The following GCSAML variants were observed in gnomAD, a reference collection of about 807,000 sequenced individuals.
GCSAML encodes germinal center associated signaling and motility like.
A neutral mutation model predicts 13.0 loss-of-function variants in GCSAML; 9 were observed. That is an observed-to-expected ratio of 0.69 (90% CI 0.42 to 1.21). The LOEUF (loss-of-function observed/expected upper bound fraction) is 1.21, where lower values mean the gene tolerates loss of function less well. GCSAML is among the 50% of genes most tolerant of loss of function. The pLI is 0.00. For synonymous variants in GCSAML, 37 were observed against 52.9 expected (o/e 0.70, Z 1.31); for missense variants, 143 against 153.4 (o/e 0.93, Z 0.36).
intron 1 of GCSAML, among the ~76,000 whole-genome samples, chr1:247,508,343 G>A (rs1358235366): frequency 1.3e-5 from 2 of 151,952 alleles, no homozygotes; most frequent in African/African-American, 4.8e-5. Flanking sequence ...TATATCCTTT[G>A]CCTACTTTTT....
intron 1 of GCSAML, among the ~76,000 whole-genome samples, chr1:247,509,319 G>A (rs1210617446): frequency 6.6e-6 from 1 of 152,122 alleles, no homozygotes; most frequent in Non-Finnish European, 1.5e-5. Context: ...TCTATTATTG[G>A]TGTATAGAAA....
intron 1 of GCSAML, among the ~76,000 whole-genome samples, chr1:247,514,245 C>T (rs1457793992): frequency 6.6e-6 from 1 of 152,186 alleles, no homozygotes; most frequent in Non-Finnish European, 1.5e-5. Flanking sequence ...TCCCAAAGTG[C>T]TGGGATTACA....
intron 2 of GCSAML, among the ~76,000 whole-genome samples, chr1:247,534,617 A>C (rs1399325018): frequency 2.0e-5 from 3 of 152,162 alleles, no homozygotes; most frequent in Non-Finnish European, 2.9e-5. Context: ...CAAAACATTA[A>C]TTCTAGCCTG....
At chr1:247,547,753 G>A (rs905836094), upstream of GCSAML, among the ~76,000 whole-genome samples, 1 of 152,186 alleles carries the variant, frequency 6.6e-6, no homozygotes, top group African/African-American at 2.4e-5. Context: ...ATTGGCTGGA[G>A]TGGCATCACC....
At chr1:247,517,306 TACTAG>T (rs1259452935) in intron 1 of GCSAML, among the ~76,000 whole-genome samples, 1 of 152,222 alleles carries the variant, frequency 6.6e-6, no homozygotes, top group Non-Finnish European at 1.5e-5. Context: ...AGTAACTTAT[TACTAG>T]GTGTCTTGTC....
upstream of GCSAML, among the ~76,000 whole-genome samples, chr1:247,545,311 C>G (rs1209022099): frequency 6.6e-6 from 1 of 152,212 alleles, no homozygotes; most frequent in African/African-American, 2.4e-5. Context: ...TGGGCAACTC[C>G]TGTTGTAGAT....
intron 1 of GCSAML, among the ~76,000 whole-genome samples, chr1:247,520,335 C>G (rs1260909517): frequency 2.0e-5 from 3 of 152,088 alleles, no homozygotes; most frequent in African/African-American, 7.2e-5. Flanking sequence ...TGGGCCTGAT[C>G]CAATTCAGTT....
chr1:247,510,091 T>C (rs1451363000), intron 1 of GCSAML, among the ~76,000 whole-genome samples: 2 of 152,248 alleles, frequency 1.3e-5, no homozygotes, highest in African/African-American at 4.8e-5. Context: ...CAGCTCCTCC[T>C]TGTACCTCTG....
chr1:247,546,240 A>G (rs1388869251), upstream of GCSAML, among the ~76,000 whole-genome samples: 1 of 152,136 alleles, frequency 6.6e-6, no homozygotes, highest in Non-Finnish European at 1.5e-5. Context: ...GGGCATGATC[A>G]TTGCACACTA....
chr1:247,536,492 GTGTTTCCAGAATGAGAAAGTATATGCAGA>G (rs1161853857), intron 2 of GCSAML: 1 of 152,180 alleles, frequency 6.6e-6, no homozygotes, highest in Admixed American at 6.5e-5. Context: ...ATGGCTCATG[GTGTTTCCAGAATGAGAAAGTATATGCAGA>G]CCCTAAAGGG....
At chr1:247,525,879 A>G (rs1289218875) in intron 1 of GCSAML, 2 of 152,234 alleles carry the variant, frequency 1.3e-5, no homozygotes, top group South Asian at 2.1e-4. Flanking sequence ...ACTCATTAAC[A>G]TACAAGTACC....
At position 247,550,130 on chromosome 1, in the gene GCSAML, G is replaced by A. The variant is rs1203542033; in HGVS notation, c.29+910G>A. On this transcript the variant is annotated intron_variant, in intron 1 of 4. Transcript: ENST00000366488. Reference sequence around the variant, plus strand: ...ATTCTTCTTGACCTCTCTGTGCAGCGTTCCTTACTTACGGGTATGGGGCAG... The same window carrying A: ...ATTCTTCTTGACCTCTCTGTGCAGCATTCCTTACTTACGGGTATGGGGCAG... 3.9e-5 allele frequency among the ~76,000 whole-genome samples: 6 copies of A among 152,274 alleles called. No homozygotes were observed. In the South Asian group the frequency reaches 1.0e-3, roughly 26 times the overall value.
In GCSAML at chr1:247,529,736, T is replaced by G. The variant is rs1367570240; in HGVS notation, c.-148+2682T>G. On this transcript the variant is annotated intron_variant, in intron 2 of 5. Coordinates refer to the GCSAML transcript ENST00000366489. ...TGAAGGTGTTTTTTTTTTTTTTTTTTTTTTTTTTTGATGCGATTAACATTT... is the reference window on the plus strand; with the variant it reads ...TGAAGGTGTTTTTTTTTTTTTTTTTGTTTTTTTTTGATGCGATTAACATTT... 20 of 151,076 alleles carry G rather than the reference T, an allele frequency of 1.3e-4. No homozygotes were observed. The East Asian group carries it at 3.5e-3, about 26-fold the overall frequency. 9.4% of individuals were successfully genotyped at this position (151,076 alleles called of 1,614,324 possible).
intron 2 of GCSAML, chr1:247,532,208 A>C: frequency 6.2e-7 from 1 of 1,614,130 alleles, no homozygotes; most frequent in Non-Finnish European, 8.5e-7. Context: ...GAGATATAGA[A>C]CTGGACCACA....
intron 1 of GCSAML, 37 bp downstream of exon 1, chr1:247,549,257 A>G (rs1305629102): frequency 6.4e-7 from 1 of 1,573,784 alleles, no homozygotes; most frequent in Non-Finnish European, 8.7e-7. Flanking sequence ...TTCTTGGGAG[A>G]AAGAGAACAG....
intron 2 of GCSAML, chr1:247,533,988 C>G (rs901115635): frequency 6.6e-6 from 1 of 152,140 alleles, no homozygotes; most frequent in East Asian, 1.9e-4. Flanking sequence ...GCTATACTTA[C>G]AGTGCTTTCT....
upstream of GCSAML, among the ~76,000 whole-genome samples, chr1:247,546,934 A>T (rs12043735): frequency 0.2 from 21,789 of 106,588 alleles, 2,024 homozygotes; most frequent in East Asian, 0.3. Flanking sequence ...TACTAAAATT[A>T]AAAAAAAAAA....
chr1:247,532,204 T>C (rs567156825), intron 2 of GCSAML: 8 of 1,614,112 alleles, frequency 5.0e-6, no homozygotes, highest in African/African-American at 2.7e-5. Context: ...ATGGGAGATA[T>C]AGAACTGGAC....
rs374555586 is a variant in GCSAML, at chr1:247,527,326, C to T, written c.-148+272C>T. On this transcript the variant is annotated intron_variant, in intron 2 of 5. Transcript: ENST00000366489. This position sits in a 1 kb window ranked among gnomAD's most constrained non-coding sequence, Gnocchi z 4.6. The stretch of plus-strand genomic sequence containing the variant: ...ACATAAACTGATGAGGACCTGCACT[C>T]CTGTCCTGAGTTGACACCCAGCCTT... The T allele has an allele frequency of 1.3e-5, 3 of 229,578 alleles. No homozygotes were observed. The highest frequency in any genetic ancestry group is 6.9e-5 in the African/African-American group (3 of 43,624). 14.2% of individuals were successfully genotyped at this position (229,578 alleles called of 1,614,324 possible).
Sources: allele counts gnomAD v4.1 joint callset (sites outside exome capture counted in the v4.1 genomes callset), GRCh38; gene constraint gnomAD v4.1.1; non-coding constraint Gnocchi (gnomAD v3.1); transcripts MANE v1.5; gene names NCBI Gene and HGNC (gene_info 2026-07-23, HGNC 2026-07-21).